The following MALRD1 variants were observed in gnomAD, a reference collection of about 807,000 sequenced individuals.
MALRD1 encodes MAM and LDL-receptor class A domain-containing protein 1.
In MALRD1, 247 loss-of-function variants were observed where a neutral mutation model predicts 242.1. That is an observed-to-expected ratio of 1.02 (90% confidence interval 0.92 to 1.13). The LOEUF (loss-of-function observed/expected upper bound fraction) is 1.13. Ranked by LOEUF, MALRD1 falls within the 50% of genes most tolerant of loss-of-function variation. The probability of loss-of-function intolerance (pLI) is 0.00; values close to 1 mark genes in which losing one functional copy is unlikely to be tolerated. For missense variants in MALRD1, 2,989 were observed against 2,533.1 expected, an observed-to-expected ratio of 1.18 and a Z score of -3.86; for synonymous variants, 995 against 866.6, an observed-to-expected ratio of 1.15 and a Z score of -2.60.
At chr10:19,265,365 A>G (rs778362342) in intron 19 of MALRD1, among the ~76,000 whole-genome samples, 6 of 151,892 alleles carry the variant, frequency 4.0e-5, no homozygotes, top group African/African-American at 9.7e-5. Context: ...GGTATTCGGT[A>G]CTATAAACTT....
At chr10:19,063,735 T>C (rs1024423837) in intron 1 of MALRD1, among the ~76,000 whole-genome samples, 2 of 150,186 alleles carry the variant, frequency 1.3e-5, no homozygotes, top group Admixed American at 1.3e-4. Flanking sequence ...TAGGTGGGAA[T>C]TGAAGAATGA....
At chr10:19,694,991 A>G (rs1448914643) in intron 38 of MALRD1, among the ~76,000 whole-genome samples, 2 of 152,104 alleles carry the variant, frequency 1.3e-5, no homozygotes, top group Non-Finnish European at 2.9e-5. Context: ...CAAACACCAC[A>G]TGTTCTCACT....
chr10:19,491,888 A>G (rs1308481554), intron 30 of MALRD1, among the ~76,000 whole-genome samples: 1 of 145,014 alleles, frequency 6.9e-6, no homozygotes, highest in East Asian at 1.9e-4. Context: ...AAATCATTTT[A>G]CCAAAAAATA....
intron 26 of MALRD1, among the ~76,000 whole-genome samples, chr10:19,381,625 C>T (rs532210794): frequency 6.6e-6 from 1 of 151,176 alleles, no homozygotes; most frequent in Non-Finnish European, 1.5e-5. Flanking sequence ...GTCAGGAGTT[C>T]CGGACCAGCC....
At chr10:19,121,283 C>T (rs1204206369) in intron 5 of MALRD1, among the ~76,000 whole-genome samples, 2 of 151,460 alleles carry the variant, frequency 1.3e-5, no homozygotes, top group Non-Finnish European at 2.9e-5. Context: ...TCAAGTGATC[C>T]ACCTGCTTCG....
chr10:19,694,900 T>G (rs1022948365), intron 38 of MALRD1, among the ~76,000 whole-genome samples: 1 of 152,012 alleles, frequency 6.6e-6, no homozygotes. Flanking sequence ...CCATAAAAAA[T>G]GATGAGTTCA....
At chr10:19,704,156 CAT>C (rs1254447565) in intron 38 of MALRD1, among the ~76,000 whole-genome samples, 8 of 151,902 alleles carry the variant, frequency 5.3e-5, no homozygotes, top group Non-Finnish European at 7.4e-5. Flanking sequence ...TGAGAAATAA[CAT>C]ATATTCATGT....
At chr10:19,575,191 C>T (rs562358463) in intron 33 of MALRD1, among the ~76,000 whole-genome samples, 1 of 152,244 alleles carries the variant, frequency 6.6e-6, no homozygotes, top group South Asian at 2.1e-4. Flanking sequence ...AAATGCAATA[C>T]TCATGGGATG....
chr10:19,713,386 A>C (rs542150042), intron 38 of MALRD1, among the ~76,000 whole-genome samples: 1 of 152,324 alleles, frequency 6.6e-6, no homozygotes, highest in South Asian at 2.1e-4. Context: ...GGTAGGGGAT[A>C]AGGCATATAG....
At chr10:19,376,938 C>G (rs961320021) in intron 26 of MALRD1, among the ~76,000 whole-genome samples, 1 of 152,020 alleles carries the variant, frequency 6.6e-6, no homozygotes, top group Non-Finnish European at 1.5e-5. Context: ...TTGGGAAAAA[C>G]TATACAGGAA....
intron 29 of MALRD1, among the ~76,000 whole-genome samples, chr10:19,480,068 T>A (rs1836925505): frequency 6.6e-6 from 1 of 152,154 alleles, no homozygotes; most frequent in Admixed American, 6.5e-5. Flanking sequence ...AAAATAGCCA[T>A]CCTTCTCCAC....
intron 33 of MALRD1, among the ~76,000 whole-genome samples, chr10:19,586,800 C>G (rs561410651): frequency 6.6e-6 from 1 of 152,352 alleles, no homozygotes; most frequent in Admixed American, 6.5e-5. Flanking sequence ...CAAGCCTGGG[C>G]AATGGCAGGT....
intron 18 of MALRD1, among the ~76,000 whole-genome samples, chr10:19,218,185 A>G (rs1837405286): frequency 6.6e-6 from 1 of 152,158 alleles, no homozygotes; most frequent in African/African-American, 2.4e-5. Flanking sequence ...TAAATGATCA[A>G]TTTATTAATT....
intron 28 of MALRD1, among the ~76,000 whole-genome samples, chr10:19,405,009 G>C (rs1847028364): frequency 6.6e-6 from 1 of 152,158 alleles, no homozygotes. Context: ...AAGAGAAGTA[G>C]CACTTTATTT....
At chr10:19,052,631 G>A (rs1205954728) in intron 1 of MALRD1, among the ~76,000 whole-genome samples, 1 of 152,168 alleles carries the variant, frequency 6.6e-6, no homozygotes, top group African/African-American at 2.4e-5. Context: ...CAGGGGGCTT[G>A]ATAGAGTAGA....
chr10:19,186,950 G>A (rs1173158465), intron 14 of MALRD1, among the ~76,000 whole-genome samples: 6 of 152,074 alleles, frequency 3.9e-5, no homozygotes, highest in Admixed American at 6.6e-5. Context: ...CCAAGCAATC[G>A]ACGTCTCCCT....
intron 28 of MALRD1, among the ~76,000 whole-genome samples, chr10:19,439,339 T>C (rs983872218): frequency 6.6e-6 from 1 of 151,982 alleles, no homozygotes; most frequent in Non-Finnish European, 1.5e-5. Flanking sequence ...AAAACCAGCC[T>C]GGGCAACATA....
At chr10:19,208,564 G>A (rs888305263) in intron 17 of MALRD1, among the ~76,000 whole-genome samples, 1 of 152,104 alleles carries the variant, frequency 6.6e-6, no homozygotes, top group Non-Finnish European at 1.5e-5. Context: ...GATCTGGGAC[G>A]GGATGGAACC....
At chr10:19,364,312 C>T in intron 26 of MALRD1, among the ~76,000 whole-genome samples, 1 of 152,038 alleles carries the variant, frequency 6.6e-6, no homozygotes, top group East Asian at 1.9e-4. Context: ...ACCTCATTTC[C>T]TATAAGTGAT....
Sources: allele counts gnomAD v4.1 joint callset (sites outside exome capture counted in the v4.1 genomes callset), GRCh38; gene constraint gnomAD v4.1.1; transcripts MANE v1.5; gene names NCBI Gene and HGNC (gene_info 2026-07-23, HGNC 2026-07-21).